The following UBE3C variants were observed in gnomAD, a reference collection of about 807,000 sequenced individuals.
The protein encoded by UBE3C is ubiquitin protein ligase E3C.
In UBE3C, 42 loss-of-function variants were observed where a neutral mutation model predicts 129.4. That is an observed-to-expected ratio of 0.32 (90% CI 0.25 to 0.42). The LOEUF (loss-of-function observed/expected upper bound fraction) is 0.42. Ranked by LOEUF, UBE3C falls within the 10% of genes least tolerant of loss-of-function variation. The pLI, the probability that UBE3C is intolerant of heterozygous loss-of-function variation, is 1.00. For synonymous variants in UBE3C, 510 were observed against 492.4 expected (o/e 1.04, Z -0.47); for missense variants, 1,049 against 1,319.1 (o/e 0.80, Z 3.17).
intron 7 of UBE3C, 99 bp from the exon 8 acceptor site, chr7:157,182,009 T>C: frequency 8.1e-7 from 1 of 1,237,794 alleles, no homozygotes; most frequent in Non-Finnish European, 1.1e-6. Flanking sequence ...GAAGAGTAGA[T>C]TATCCTTTTA....
intron 1 of UBE3C, among the ~76,000 whole-genome samples, chr7:157,155,166 C>G (rs1807868606): frequency 6.6e-6 from 1 of 151,988 alleles, no homozygotes; most frequent in Admixed American, 6.6e-5. Flanking sequence ...TGTAGGTCTG[C>G]AAAAAAGAAT....
chr7:157,218,623 G>C (rs986547606), intron 14 of UBE3C, among the ~76,000 whole-genome samples: 9 of 152,222 alleles, frequency 5.9e-5, no homozygotes, highest in Non-Finnish European at 1.2e-4. Context: ...TCCCCCAGCA[G>C]TGAACAGTTC....
chr7:157,216,100 C>G (rs1049669879), intron 13 of UBE3C, among the ~76,000 whole-genome samples: 3 of 152,148 alleles, frequency 2.0e-5, no homozygotes, highest in Non-Finnish European at 4.4e-5. Context: ...GGAGATCAGA[C>G]TCGATTTTTC....
intron 19 of UBE3C, among the ~76,000 whole-genome samples, chr7:157,252,140 A>G (rs1176975741): frequency 6.6e-6 from 1 of 152,180 alleles, no homozygotes; most frequent in African/African-American, 2.4e-5. Flanking sequence ...TGTCTCAAAA[A>G]AAAAAAAAGT....
chr7:157,269,169 T>C lies in UBE3C; in HGVS notation c.*1414T>C, dbSNP rs1025208388. On this transcript the variant is annotated 3_prime_UTR_variant, in exon 23 of 23. Coordinates refer to ENST00000348165, the MANE Select transcript of UBE3C (RefSeq NM_014671.3). ...AATAATTAGGGTTGGTCTTTTTTAT[T>C]TTAGGTTGTTTTATGTTGAATGTTC... 6.6e-6 allele frequency: 1 copy of C among 152,428 alleles called. No homozygotes were observed. Among genetic ancestry groups the C allele is most frequent in the Non-Finnish European group, 1.5e-5 (1 of 68,030 alleles). 9.4% of individuals were successfully genotyped at this position (152,428 alleles called of 1,614,324 possible). A position where few individuals can be genotyped will look rare whatever the true frequency, so the allele number is the denominator to read the frequency against.
At chr7:157,197,995 G>C in intron 10 of UBE3C, 2 of 1,607,736 alleles carry the variant, frequency 1.2e-6, no homozygotes, top group Non-Finnish European at 1.7e-6. Flanking sequence ...TCTTGATCCT[G>C]ATGGTCCTCC....
intron 10 of UBE3C, among the ~76,000 whole-genome samples, chr7:157,188,186 A>G (rs1234805779): frequency 6.6e-6 from 1 of 152,260 alleles, no homozygotes; most frequent in Non-Finnish European, 1.5e-5. Context: ...AGCTGTCAGT[A>G]AGTAAGCAGG....
At chr7:157,223,875 G>A (rs187156740) in intron 16 of UBE3C, among the ~76,000 whole-genome samples, 50 of 152,280 alleles carry the variant, frequency 3.3e-4, no homozygotes, top group African/African-American at 9.6e-4. Context: ...AGCCAAGATC[G>A]TGCCAGTACA....
At position 157,182,472 on chromosome 7, in the gene UBE3C, G is replaced by T; in HGVS notation, c.991+144G>T. On this transcript the variant is annotated intron_variant, in intron 8 of 22. Transcript: ENST00000348165. ...GTATTTGCTGGAGGGATGTGGTCTG[G>T]GCAGTGTGTTCCTGGGGACAGTTTC... 4 of 784,098 alleles carry T rather than the reference G, an allele frequency of 5.1e-6. No individual in the cohort carries two copies. In the South Asian group the frequency reaches 7.5e-5, roughly 15 times the overall value. 48.6% of individuals were successfully genotyped at this position (784,098 alleles called of 1,614,324 possible). A position where few individuals can be genotyped will look rare whatever the true frequency, so the allele number is the denominator to read the frequency against.
chr7:157,201,654 TTTTTA>T, intron 10 of UBE3C, 62 bp from the exon 11 acceptor site: 72 of 687,194 alleles, frequency 1.0e-4, no homozygotes, highest in South Asian at 1.9e-4. Context: ...TTTTTTTTTT[TTTTTA>T]AGAAATGTTT....
chr7:157,145,749 A>G (rs1807587061), intron 1 of UBE3C, among the ~76,000 whole-genome samples: 1 of 151,918 alleles, frequency 6.6e-6, no homozygotes, highest in African/African-American at 2.4e-5. Context: ...TTTATTTTTT[A>G]TCAATTAATA....
chr7:157,257,115 G>T, intron 22 of UBE3C, 71 bp downstream of exon 22: 1 of 1,580,788 alleles, frequency 6.3e-7, no homozygotes, highest in Non-Finnish European at 8.6e-7. Context: ...CATTCAGTAG[G>T]GTTAAATGAA....
At chr7:157,237,651 A>G (rs987310801) in intron 18 of UBE3C, among the ~76,000 whole-genome samples, 1 of 152,290 alleles carries the variant, frequency 6.6e-6, no homozygotes, top group Admixed American at 6.5e-5. Flanking sequence ...GGCCATGTTA[A>G]TTTGTCACCA....
At chr7:157,201,070 T>C (rs966189143) in intron 10 of UBE3C, among the ~76,000 whole-genome samples, 6 of 152,122 alleles carry the variant, frequency 3.9e-5, no homozygotes, top group Non-Finnish European at 5.9e-5. Context: ...ACACCTGTAA[T>C]CCCAGCACTT....
chr7:157,228,157 C>T (rs369823901), intron 17 of UBE3C, among the ~76,000 whole-genome samples: 6 of 152,190 alleles, frequency 3.9e-5, no homozygotes, highest in South Asian at 2.1e-4. Context: ...GTCTTATCTC[C>T]GAACGATTCT....
intron 14 of UBE3C, chr7:157,217,178 TATTA>T: frequency 7.2e-6 from 3 of 418,992 alleles, no homozygotes; most frequent in Non-Finnish European, 1.3e-5. Flanking sequence ...TATTCTGAGT[TATTA>T]ATCCTCAATT....
intron 1 of UBE3C, among the ~76,000 whole-genome samples, chr7:157,149,855 CCT>C (rs1254073042): frequency 6.6e-6 from 1 of 152,214 alleles, no homozygotes; most frequent in Non-Finnish European, 1.5e-5. Context: ...GACTGTGACC[CCT>C]GTTTTTTACT....
At chr7:157,234,184 TAATTTTG>T (rs201353837) in intron 18 of UBE3C, among the ~76,000 whole-genome samples, 2,218 of 152,342 alleles carry the variant, frequency 0.015, 37 homozygotes, top group South Asian at 0.048. Context: ...CGAACATTTT[TAATTTTG>T]AAGTCTAACG....
At chr7:157,255,004 G>A (rs937388136) in intron 21 of UBE3C, among the ~76,000 whole-genome samples, 4 of 152,096 alleles carry the variant, frequency 2.6e-5, no homozygotes, top group Admixed American at 1.3e-4. Flanking sequence ...TCCCATCTAC[G>A]TCGGGTGCTG....
Sources: allele counts gnomAD v4.1 joint callset (sites outside exome capture counted in the v4.1 genomes callset), GRCh38; gene constraint gnomAD v4.1.1; transcripts MANE v1.5; gene names NCBI Gene and HGNC (gene_info 2026-07-23, HGNC 2026-07-21).